The following VRTN variants were observed in gnomAD, a reference collection of about 807,000 sequenced individuals.
VRTN encodes the protein vertebrae development associated.
In VRTN, 5 loss-of-function variants were observed where a neutral mutation model predicts 18.2. That is an observed-to-expected ratio of 0.27 (90% CI 0.14 to 0.58). The LOEUF (loss-of-function observed/expected upper bound fraction) is 0.58, where lower values mean the gene tolerates loss of function less well. Among genes scored for constraint, VRTN ranks in the 20% least tolerant of loss-of-function variants. The probability of loss-of-function intolerance (pLI) is 0.91; values close to 1 mark genes in which losing one functional copy is unlikely to be tolerated. For synonymous variants in VRTN, 381 were observed against 393.7 expected, an observed-to-expected ratio of 0.97 and a Z score of 0.38; for missense variants, 741 against 939.4, an observed-to-expected ratio of 0.79 and a Z score of 2.76.
chr14:74,354,733 C>G (rs1325152089), intron 1 of VRTN, among the ~76,000 whole-genome samples: 1 of 151,724 alleles, frequency 6.6e-6, no homozygotes, highest in African/African-American at 2.4e-5. Flanking sequence ...TTGAATGATT[C>G]TTCTACAAGT....
intron 2 of VRTN, among the ~76,000 whole-genome samples, chr14:74,340,244 C>T (rs1321699496): frequency 6.6e-6 from 1 of 151,988 alleles, no homozygotes; most frequent in Non-Finnish European, 1.5e-5. Flanking sequence ...TCCCTAGTAG[C>T]TGGGATTATA....
intron 1 of VRTN, among the ~76,000 whole-genome samples, chr14:74,328,862 C>T (rs2085503486): frequency 6.6e-6 from 1 of 152,104 alleles, no homozygotes; most frequent in African/African-American, 2.4e-5. Flanking sequence ...GGGCTGGGTG[C>T]AGTGGCTCAC....
At chr14:74,353,097 G>A (rs1339758225) in intron 1 of VRTN, among the ~76,000 whole-genome samples, 1 of 152,020 alleles carries the variant, frequency 6.6e-6, no homozygotes, top group Non-Finnish European at 1.5e-5. Flanking sequence ...TTGAGACCAT[G>A]AGACCACCCT....
chr14:74,342,393 T>C (rs76708871), intron 2 of VRTN, among the ~76,000 whole-genome samples: 5,837 of 152,318 alleles, frequency 0.038, 181 homozygotes, highest in Admixed American at 0.11. Flanking sequence ...CATTTATTTC[T>C]GAGGGCTTGT....
chr14:74,341,770 CG>C (rs1482145259), intron 2 of VRTN, among the ~76,000 whole-genome samples: 2 of 152,152 alleles, frequency 1.3e-5, no homozygotes, highest in Non-Finnish European at 1.5e-5. Flanking sequence ...CCACATGCCT[CG>C]GCCTCTCAAA....
At chr14:74,317,554 C>T (rs1168822962) in intron 1 of VRTN, among the ~76,000 whole-genome samples, 8 of 152,166 alleles carry the variant, frequency 5.3e-5, no homozygotes, top group African/African-American at 1.4e-4. Flanking sequence ...GTAATACCAG[C>T]GCTTTGGGAG....
In VRTN at chr14:74,303,843, A is replaced by ATTTTTTTTTTTTT. The variant is rs67822776; in HGVS notation, c.-164+680_-164+692dup. 3.3e-4 allele frequency among the ~76,000 whole-genome samples: 29 copies of ATTTTTTTTTTTTT among 88,494 alleles called. 2 individuals are homozygous for ATTTTTTTTTTTTT. Among genetic ancestry groups the ATTTTTTTTTTTTT allele is most frequent in the African/African-American group, 1.3e-3 (25 of 19,338 alleles). 58.1% of individuals were successfully genotyped at this position (88,494 alleles called of 152,430 possible). A position where few individuals can be genotyped will look rare whatever the true frequency, so the allele number is the denominator to read the frequency against. On this transcript the variant is annotated intron_variant, in intron 1 of 2. Transcript: ENST00000557177. The stretch of plus-strand genomic sequence containing the variant: ...TAGGTCAATCAGTTGACAATTACAG[A>ATTTTTTTTTTTTT]TTTTTTTTTTTTTTTTTTTTTTTTT...
chr14:74,336,471 A>T (rs1030952621), intron 1 of VRTN, among the ~76,000 whole-genome samples: 14 of 152,066 alleles, frequency 9.2e-5, no homozygotes, highest in African/African-American at 3.4e-4. Context: ...TGCTCCATTT[A>T]TAGTCTCCCA....
chr14:74,321,505 CTTTT>C (rs564056249), intron 1 of VRTN, among the ~76,000 whole-genome samples: 1 of 129,120 alleles, frequency 7.7e-6, no homozygotes, highest in Non-Finnish European at 1.6e-5. Flanking sequence ...CTTTCATTTG[CTTTT>C]TTTTTTTTTT....
chr14:74,347,562 G>A (rs1184351814), upstream of VRTN, among the ~76,000 whole-genome samples: 2 of 152,220 alleles, frequency 1.3e-5, no homozygotes, highest in African/African-American at 4.8e-5. Flanking sequence ...GGAGCTGTGG[G>A]TGGAATTGGA....
In VRTN at chr14:74,358,419, A is replaced by G; in HGVS notation, c.1636A>G (p.Ser546Gly). Residue 546 changes from serine to glycine, a missense_variant, in exon 2 of 2, where the codon AGT becomes GGT. Physicochemically the swap from Ser to Gly is moderately conservative, Grantham distance 56. Transcript: ENST00000256362. This position sits in a 1 kb window ranked among gnomAD's most constrained non-coding sequence, Gnocchi z 5.4. ...LSPSAFWVWK[S>G]LARGWPRGLS... Reference sequence around the variant, plus strand: ...ACCTTCTGCCTTTTGGGTCTGGAAGAGTCTTGCTCGGGGTTGGCCCAGAGG... The same window carrying G: ...ACCTTCTGCCTTTTGGGTCTGGAAGGGTCTTGCTCGGGGTTGGCCCAGAGG... The G allele has an allele frequency of 1.2e-6, 2 of 1,614,120 alleles. No individual in the cohort carries two copies. The highest frequency in any genetic ancestry group is 1.7e-6 in the Non-Finnish European group (2 of 1,180,022).
At chr14:74,329,444 T>G (rs188066855) in intron 1 of VRTN, among the ~76,000 whole-genome samples, 1 of 151,770 alleles carries the variant, frequency 6.6e-6, no homozygotes, top group Non-Finnish European at 1.5e-5. Flanking sequence ...TGTTTGTTTT[T>G]GTAGAGATGA....
At position 74,358,265 on chromosome 14, in the gene VRTN, C is replaced by G. The variant is rs761783593; in HGVS notation, c.1482C>G (p.Pro494=). 1.2e-6 allele frequency: 2 copies of G among 1,610,502 alleles called. No homozygotes were observed. Among genetic ancestry groups the G allele is most frequent in the Non-Finnish European group, 8.5e-7 (1 of 1,178,058 alleles). Residue 494 remains proline, a synonymous_variant, in exon 2 of 2, where the codon CCC becomes CCG. Transcript: ENST00000256362. This position sits in a 1 kb window ranked among gnomAD's most constrained non-coding sequence, Gnocchi z 5.4. ...GNATGEDPPA[P]GELLPLRMPL... ...CCACAGGTGAGGACCCTCCCGCCCC[C>G]GGGGAGCTCCTGCCACTAAGGATGC...
chr14:74,314,557 C>A (rs780091469), intron 1 of VRTN, among the ~76,000 whole-genome samples: 2 of 151,794 alleles, frequency 1.3e-5, no homozygotes, highest in Non-Finnish European at 2.9e-5. Context: ...CCACCATACC[C>A]GGCTAAATTT....
At chr14:74,326,781 G>T (rs1298119605) in intron 1 of VRTN, among the ~76,000 whole-genome samples, 1 of 127,760 alleles carries the variant, frequency 7.8e-6, no homozygotes, top group East Asian at 2.4e-4. Flanking sequence ...CCCACCCCAT[G>T]ATCCTCTCTC....
rs373186358 is a variant in VRTN, at chr14:74,356,044, C to T, written c.-1-739C>T. On this transcript the variant is annotated intron_variant, in intron 1 of 1. Coordinates refer to ENST00000256362, the MANE Select transcript of VRTN (RefSeq NM_018228.3). ...ATGGGGTTTTGCCATGTTGCTCAGG[C>T]TGGTCTTGAACTCCTGGACTCAAGC... Among the ~76,000 whole-genome samples the T allele has an allele frequency of 2.0e-5, 3 of 152,106 alleles. No individual in the cohort carries two copies. The East Asian group carries it at 5.8e-4, about 29-fold the overall frequency.
rs771668700 is a variant in VRTN, at chr14:74,358,322, G to A, written c.1539G>A (p.Arg513=). 2.9e-5 allele frequency: 46 copies of A among 1,612,924 alleles called. No individual in the cohort carries two copies. The highest frequency in any genetic ancestry group is 1.6e-4 in the Middle Eastern group (1 of 6,076). ...CCCGTTGGCAGAGGCGTCTGCGCAG[G>A]GCTGCCCGCAGGCAGGTGCTGAGTG... ...PLSRWQRRLR[R]AARRQVLSGH... Residue 513 remains arginine (R), a synonymous_variant, in exon 2 of 2, where the codon AGG becomes AGA. Transcript: ENST00000256362. This position sits in a 1 kb window ranked among gnomAD's most constrained non-coding sequence, Gnocchi z 5.4.
intron 1 of VRTN, among the ~76,000 whole-genome samples, chr14:74,355,327 G>T (rs1306450607): frequency 2.0e-5 from 3 of 151,940 alleles, no homozygotes; most frequent in Admixed American, 6.6e-5. Flanking sequence ...GTGTCTATTA[G>T]ACTTTCTTTC....
At chr14:74,341,572 G>A (rs2085605854) in intron 2 of VRTN, among the ~76,000 whole-genome samples, 1 of 152,244 alleles carries the variant, frequency 6.6e-6, no homozygotes, top group Admixed American at 6.5e-5. Flanking sequence ...AGGCTGGAGT[G>A]CAATGGCACC....
Sources: gnomAD v4.1 joint callset for allele counts (sites outside exome capture counted in the v4.1 genomes callset) on GRCh38, gnomAD v4.1.1 for gene constraint, Gnocchi (gnomAD v3.1) non-coding constraint, MANE v1.5 for transcripts, NCBI Gene and HGNC (gene_info 2026-07-23, HGNC 2026-07-21) for gene names.